Variants in NOL4L observed in about 807,000 individuals in gnomAD.
The protein encoded by NOL4L is nucleolar protein 4 like.
Under a neutral mutation model 64.5 loss-of-function variants are expected in NOL4L, and 7 were observed. The ratio of observed to expected loss-of-function variants is 0.11; its 90% confidence interval spans 0.06 to 0.20. NOL4L has a LOEUF of 0.20. Among genes scored for constraint, NOL4L ranks in the 10% least tolerant of loss-of-function variants. The probability of loss-of-function intolerance (pLI) is 1.00; values close to 1 mark genes in which losing one functional copy is unlikely to be tolerated. For synonymous variants in NOL4L, 413 were observed against 401.0 expected (o/e 1.03, Z -0.36); for missense variants, 680 against 967.1 (o/e 0.70, Z 3.94).
At chr20:32,581,237 C>G (rs931809590) in intron 1 of NOL4L, among the ~76,000 whole-genome samples, 1 of 152,192 alleles carries the variant, frequency 6.6e-6, no homozygotes, top group South Asian at 2.1e-4. Context: ...GCCTCTCCCC[C>G]ACGCCCAGGC....
At chr20:32,475,058 C>T (rs376990712) in intron 4 of NOL4L, 13 of 985,452 alleles carry the variant, frequency 1.3e-5, no homozygotes, top group Admixed American at 6.1e-5. Flanking sequence ...TTGAAACAAG[C>T]GCTGTAAACA....
At chr20:32,487,167 C>T (rs1414537481) in intron 4 of NOL4L, among the ~76,000 whole-genome samples, 1 of 152,038 alleles carries the variant, frequency 6.6e-6, no homozygotes, top group Non-Finnish European at 1.5e-5. Context: ...ACTCGGGAGG[C>T]TGGGGTAGGA....
chr20:32,527,865 C>T lies in NOL4L; in HGVS notation c.370G>A (p.Ala124Thr), dbSNP rs2018191587. 1 of 1,550,584 alleles carries T rather than the reference C, an allele frequency of 6.4e-7. No homozygotes were observed. The highest frequency in any genetic ancestry group is 8.7e-7 in the Non-Finnish European group (1 of 1,146,970). Residue 124 changes from alanine to threonine, a missense_variant, in exon 2 of 11, where the codon GCT (alanine) becomes ACT (threonine). Coordinates refer to ENST00000621426, the MANE Select transcript of NOL4L (RefSeq NM_001256798.2). ...ATGTCAAAGAAATCTTCCACCACAG[C>T]GACCCGCTTCAGAGAGATGCCCTCT... is the stretch of plus-strand genomic sequence containing the variant. ...EPEGISLKRV[A>T]VVEDFFDIIY...
intron 3 of NOL4L, 149 bp from the exon 4 acceptor site, chr20:32,511,605 T>C: frequency 1.8e-6 from 1 of 546,934 alleles, no homozygotes; most frequent in Non-Finnish European, 3.3e-6. Context: ...CTCACCCACA[T>C]CTGGCCCAGA....
In NOL4L at chr20:32,559,669, G is replaced by GGA. The variant is rs1600874398; in HGVS notation, c.321+24899_321+24900dup. ...TTGGAACCCAGGCCCCCAGGCGCCA[G>GGA]GACTGGAATGCATGGCCTAGTTCTG... On this transcript the variant is annotated intron_variant, in intron 1 of 10. Coordinates refer to ENST00000621426, the MANE Select transcript of NOL4L (RefSeq NM_001256798.2). 3.3e-5 allele frequency among the ~76,000 whole-genome samples: 5 copies of GGA among 152,354 alleles called. No homozygotes were observed. In the South Asian group the frequency reaches 1.0e-3, roughly 32 times the overall value.
At chr20:32,518,871 G>C (rs974690968) in intron 3 of NOL4L, among the ~76,000 whole-genome samples, 3 of 152,218 alleles carry the variant, frequency 2.0e-5, no homozygotes, top group Non-Finnish European at 2.9e-5. Context: ...TGCCTGGCCA[G>C]GGGCAGCCCA....
chr20:32,519,516 C>A (rs534926699), intron 3 of NOL4L: 5 of 152,228 alleles, frequency 3.3e-5, no homozygotes, highest in Non-Finnish European at 7.3e-5. Flanking sequence ...CGGGAGCTGG[C>A]ATGATGCACC....
chr20:32,576,844 G>A (rs1472443659), intron 1 of NOL4L, among the ~76,000 whole-genome samples: 1 of 152,246 alleles, frequency 6.6e-6, no homozygotes, highest in Non-Finnish European at 1.5e-5. Flanking sequence ...GGCCAGGTGG[G>A]AGGGCAGCCT....
intron 4 of NOL4L, among the ~76,000 whole-genome samples, chr20:32,477,271 C>G (rs77524837): frequency 6.6e-6 from 1 of 152,244 alleles, no homozygotes; most frequent in Non-Finnish European, 1.5e-5. Flanking sequence ...CCCCGCTCCA[C>G]AGATGAGGAA....
chr20:32,558,548 T>A (rs901437036), intron 1 of NOL4L, among the ~76,000 whole-genome samples: 1 of 152,190 alleles, frequency 6.6e-6, no homozygotes, highest in Non-Finnish European at 1.5e-5. Flanking sequence ...GGAAAGGGAC[T>A]GTATGCTGAG....
At chr20:32,513,103 CT>C (rs2017482097) in intron 3 of NOL4L, among the ~76,000 whole-genome samples, 2 of 152,194 alleles carry the variant, frequency 1.3e-5, no homozygotes, top group Non-Finnish European at 2.9e-5. Flanking sequence ...AAAGGTGCCC[CT>C]GGTACATAGT....
intron 5 of NOL4L, among the ~76,000 whole-genome samples, chr20:32,474,070 G>A (rs950244823): frequency 5.9e-5 from 9 of 152,216 alleles, no homozygotes; most frequent in South Asian, 2.1e-4. Context: ...GGCCCTGCGC[G>A]GAGGCGGTCA....
chr20:32,577,657 G>A (rs936271645), intron 1 of NOL4L, among the ~76,000 whole-genome samples: 3 of 152,104 alleles, frequency 2.0e-5, no homozygotes, highest in African/African-American at 7.2e-5. Flanking sequence ...ACCAGCCTGG[G>A]CAACAAAGCG....
At position 32,447,525 on chromosome 20, in the gene NOL4L, G is replaced by A; in HGVS notation, c.*71C>T. The A allele has an allele frequency of 6.6e-7, 1 of 1,511,032 alleles. No individual in the cohort carries two copies. Among genetic ancestry groups the A allele is most frequent in the Non-Finnish European group, 8.8e-7 (1 of 1,139,770 alleles). 93.6% of individuals were successfully genotyped at this position (1,511,032 alleles called of 1,614,324 possible). On this transcript the variant is annotated 3_prime_UTR_variant, in exon 11 of 11. Transcript: ENST00000621426. ...TCAAAAACAAAATGTACCAACTGGT[G>A]AGGCAGGAAGCCAGGTCCAGGCTGG...
intron 1 of NOL4L, among the ~76,000 whole-genome samples, chr20:32,554,511 A>G (rs1490485218): frequency 2.0e-5 from 3 of 152,032 alleles, no homozygotes; most frequent in Non-Finnish European, 4.4e-5. Flanking sequence ...TTTGCAATAA[A>G]GGACAATGTT....
At chr20:32,564,285 C>T (rs777707814) in intron 1 of NOL4L, among the ~76,000 whole-genome samples, 5 of 152,218 alleles carry the variant, frequency 3.3e-5, no homozygotes, top group Admixed American at 2.0e-4. Context: ...ATTGAAAAAG[C>T]GGATGATTCC....
chr20:32,467,060 C>G (rs2014616753), intron 5 of NOL4L, among the ~76,000 whole-genome samples: 2 of 152,142 alleles, frequency 1.3e-5, no homozygotes, highest in African/African-American at 2.4e-5. Context: ...CCCGGGTGGC[C>G]TGGTCGTTAC....
chr20:32,487,953 C>T (rs1319573272), intron 4 of NOL4L, among the ~76,000 whole-genome samples: 3 of 143,634 alleles, frequency 2.1e-5, no homozygotes, highest in Non-Finnish European at 4.5e-5. Flanking sequence ...TTTTTTTGAC[C>T]AAATCTTGCT....
At chr20:32,481,397 C>T (rs1442627573) in intron 4 of NOL4L, among the ~76,000 whole-genome samples, 1 of 152,202 alleles carries the variant, frequency 6.6e-6, no homozygotes, top group Non-Finnish European at 1.5e-5. Flanking sequence ...GAGCTAATCC[C>T]CTGCAGGGCT....
Sources: gnomAD v4.1 joint callset for allele counts (sites outside exome capture counted in the v4.1 genomes callset) on GRCh38, gnomAD v4.1.1 for gene constraint, MANE v1.5 for transcripts, NCBI Gene and HGNC (gene_info 2026-07-23, HGNC 2026-07-21) for gene names.